The following GNG2 variants were observed in gnomAD, a reference collection of about 807,000 sequenced individuals.
The protein encoded by GNG2 is G protein subunit gamma 2, also known as guanine nucleotide-binding protein G(I)/G(S)/G(O) subunit gamma-2.
In GNG2, 5 loss-of-function variants were observed where a neutral mutation model predicts 5.5. That is an observed-to-expected ratio of 0.91 (90% CI 0.48 to 1.92). The LOEUF (loss-of-function observed/expected upper bound fraction) is 1.92. GNG2 is among the 30% of genes most tolerant of loss of function. The pLI is 0.01. For missense variants in GNG2, 55 were observed against 88.4 expected, an observed-to-expected ratio of 0.62 and a Z score of 1.52; for synonymous variants, 28 against 32.0, an observed-to-expected ratio of 0.88 and a Z score of 0.42.
chr14:51,931,103 C>G (rs1006456016), intron 2 of GNG2, among the ~76,000 whole-genome samples: 1 of 151,596 alleles, frequency 6.6e-6, no homozygotes, highest in African/African-American at 2.4e-5. Flanking sequence ...GTCTCAAAAA[C>G]AAAAACAAAA....
At chr14:51,891,460 C>CAT (rs1389745753) in intron 2 of GNG2, among the ~76,000 whole-genome samples, 2 of 152,082 alleles carry the variant, frequency 1.3e-5, no homozygotes, top group African/African-American at 2.4e-5. Context: ...CATGTGCATA[C>CAT]ATATATATAT....
chr14:51,905,790 T>C (rs1478113116), intron 2 of GNG2, among the ~76,000 whole-genome samples: 1 of 152,210 alleles, frequency 6.6e-6, no homozygotes, highest in Non-Finnish European at 1.5e-5. Context: ...GTTGTTATGA[T>C]AGCTAGTGAG....
chr14:51,936,545 TTTTTTTTAGTTCTTA>T, intron 2 of GNG2, among the ~76,000 whole-genome samples: 1 of 152,126 alleles, frequency 6.6e-6, no homozygotes, highest in East Asian at 1.9e-4. Context: ...CATTGATTTT[TTTTTTTTAGTTCTTA>T]TTTTTTTAGA....
intron 2 of GNG2, among the ~76,000 whole-genome samples, chr14:51,833,121 T>C (rs575305850): frequency 6.6e-6 from 1 of 152,120 alleles, no homozygotes; most frequent in Admixed American, 6.5e-5. Flanking sequence ...GGGCAGGGGA[T>C]GGGGGAGGCA....
intron 2 of GNG2, among the ~76,000 whole-genome samples, chr14:51,950,420 GT>G (rs917470825): frequency 9.9e-5 from 15 of 151,958 alleles, no homozygotes; most frequent in Admixed American, 9.2e-4. Flanking sequence ...TTGTGTGTGT[GT>G]TTTTTTTCTC....
At chr14:51,854,660 C>T (rs1433726581) in intron 2 of GNG2, among the ~76,000 whole-genome samples, 1 of 151,860 alleles carries the variant, frequency 6.6e-6, no homozygotes, top group Non-Finnish European at 1.5e-5. Flanking sequence ...TTACAGGTAC[C>T]CGCCACCACG....
At chr14:51,841,161 T>C (rs754873749) in intron 2 of GNG2, among the ~76,000 whole-genome samples, 4 of 152,022 alleles carry the variant, frequency 2.6e-5, no homozygotes, top group Non-Finnish European at 5.9e-5. Context: ...AACTTACAAA[T>C]GGAGGAAAAT....
intron 2 of GNG2, among the ~76,000 whole-genome samples, chr14:51,881,076 C>T (rs983877667): frequency 2.2e-4 from 34 of 151,282 alleles, no homozygotes; most frequent in African/African-American, 7.5e-4. Flanking sequence ...TACCAGCAGG[C>T]TCCTGCACTT....
At chr14:51,893,740 A>G (rs994635697) in intron 2 of GNG2, among the ~76,000 whole-genome samples, 1 of 152,060 alleles carries the variant, frequency 6.6e-6, no homozygotes, top group Non-Finnish European at 1.5e-5. Flanking sequence ...TCTCCATGTT[A>G]TGTATTAAAT....
intron 3 of GNG2, among the ~76,000 whole-genome samples, chr14:51,964,804 C>T (rs893080898): frequency 2.0e-5 from 3 of 152,096 alleles, no homozygotes; most frequent in African/African-American, 4.8e-5. Context: ...TGAGGTCAGG[C>T]GTTCAAGACC....
intron 2 of GNG2, among the ~76,000 whole-genome samples, chr14:51,834,039 T>G (rs144836674): frequency 6.6e-6 from 1 of 152,210 alleles, no homozygotes; most frequent in Admixed American, 6.5e-5. Flanking sequence ...GCCCCTGCTC[T>G]CTGGACAATT....
At chr14:51,827,941 C>G in intron 2 of GNG2, 1 of 586,992 alleles carries the variant, frequency 1.7e-6, no homozygotes, top group Non-Finnish European at 3.0e-6. Flanking sequence ...CAGGAGGGAG[C>G]ATAAAGCTGC....
At chr14:51,841,215 C>A (rs1399340115) in intron 2 of GNG2, among the ~76,000 whole-genome samples, 2 of 152,136 alleles carry the variant, frequency 1.3e-5, no homozygotes, top group South Asian at 4.1e-4. Context: ...CCACAGGAGA[C>A]CCCCACATTT....
intron 3 of GNG2, among the ~76,000 whole-genome samples, chr14:51,963,660 T>C (rs1207976495): frequency 6.6e-6 from 1 of 152,238 alleles, no homozygotes; most frequent in African/African-American, 2.4e-5. Flanking sequence ...GTAGTTTATA[T>C]GCAGATGGCT....
At chr14:51,955,066 AT>A (rs1446080172) in intron 3 of GNG2, among the ~76,000 whole-genome samples, 2 of 152,238 alleles carry the variant, frequency 1.3e-5, no homozygotes, top group African/African-American at 4.8e-5. Flanking sequence ...ATTATGAAAA[AT>A]AATGTAAATT....
At chr14:51,908,736 A>ATTTT (rs3030340) in intron 2 of GNG2, among the ~76,000 whole-genome samples, 8,136 of 89,616 alleles carry the variant, frequency 0.091, 1,013 homozygotes, top group African/African-American at 0.19. Flanking sequence ...CACCCAGCTA[A>ATTTT]TTTTTTTTTT....
intron 2 of GNG2, among the ~76,000 whole-genome samples, chr14:51,917,067 T>G (rs2140215632): frequency 6.6e-6 from 1 of 152,306 alleles, no homozygotes; most frequent in East Asian, 1.9e-4. Context: ...AAAGCATGAC[T>G]GTGGCTAGAG....
At chr14:51,895,661 C>A (rs1389174257) in intron 2 of GNG2, among the ~76,000 whole-genome samples, 1 of 152,206 alleles carries the variant, frequency 6.6e-6, no homozygotes, top group Non-Finnish European at 1.5e-5. Context: ...AGATGTCATT[C>A]ATTTGGAAAA....
intron 2 of GNG2, among the ~76,000 whole-genome samples, chr14:51,892,896 T>C (rs1884950545): frequency 6.6e-6 from 1 of 152,248 alleles, no homozygotes; most frequent in African/African-American, 2.4e-5. Flanking sequence ...TATTAGGTAG[T>C]TGTCTGGAAA....
Sources: gnomAD v4.1 joint callset for allele counts (sites outside exome capture counted in the v4.1 genomes callset) on GRCh38, gnomAD v4.1.1 for gene constraint, MANE v1.5 for transcripts, NCBI Gene and HGNC (gene_info 2026-07-23, HGNC 2026-07-21) for gene names.